The following MICALL1 variants were observed in gnomAD, a reference collection of about 807,000 sequenced individuals.
The protein encoded by MICALL1 is MICAL-like protein 1.
In MICALL1, 61 loss-of-function variants were observed where a neutral mutation model predicts 83.7. The observed-to-expected ratio is 0.73, with a 90% CI of 0.59 to 0.90. The LOEUF (loss-of-function observed/expected upper bound fraction) is 0.90, where lower values mean the gene tolerates loss of function less well. Ranked by LOEUF, MICALL1 falls within the 40% of genes least tolerant of loss-of-function variation. MICALL1 has a pLI of 0.00. For missense variants in MICALL1, 1,066 were observed against 1,152.0 expected (o/e 0.93, Z 1.08); for synonymous variants, 481 against 473.6 (o/e 1.02, Z -0.20).
chr22:37,917,684 A>T (rs1333276239), intron 3 of MICALL1, 23 bp from the exon 4 acceptor site: 1 of 1,611,244 alleles, frequency 6.2e-7, no homozygotes, highest in Admixed American at 1.7e-5. Flanking sequence ...CTGCTTCAGG[A>T]CCCCTTTCTC....
intron 13 of MICALL1, among the ~76,000 whole-genome samples, chr22:37,935,986 C>A (rs182624131): frequency 8.5e-5 from 13 of 152,304 alleles, no homozygotes; most frequent in African/African-American, 3.1e-4. Context: ...GCCTCGGCCT[C>A]CCAAAGTGCT....
intron 5 of MICALL1, among the ~76,000 whole-genome samples, chr22:37,919,690 T>C (rs1362344543): frequency 3.3e-5 from 5 of 150,488 alleles, no homozygotes; most frequent in Admixed American, 2.0e-4. Flanking sequence ...TATTTTAGCT[T>C]AAAAAATTTT....
chr22:37,935,244 G>GTTA (rs1930043432), intron 13 of MICALL1, among the ~76,000 whole-genome samples: 1 of 149,490 alleles, frequency 6.7e-6, no homozygotes, highest in Non-Finnish European at 1.5e-5. Flanking sequence ...GGCCCTATTT[G>GTTA]TTATTATTAT....
rs1431910290 is a variant in MICALL1 at position 37,941,236 on chromosome 22, G to A, written c.*406G>A. 5.7e-6 allele frequency: 1 copy of A among 176,562 alleles called. No homozygotes were observed. The highest frequency in any genetic ancestry group is 1.4e-4 in the East Asian group (1 of 6,934). The allele number at this position is 176,562 out of a possible 1,614,324, so 10.9% of individuals were successfully genotyped here. On this transcript the variant is annotated 3_prime_UTR_variant, in exon 16 of 16. Transcript: ENST00000215957. ...TGCTCTTCCAGGCAGGCCAGCAAGT[G>A]GCGCTGGGCCACACTGGCTTCTTCC...
intron 5 of MICALL1, among the ~76,000 whole-genome samples, chr22:37,919,635 CAA>C (rs34083064): frequency 1.2e-4 from 7 of 59,706 alleles, no homozygotes; most frequent in Admixed American, 2.1e-4. Context: ...GACTCTGTCT[CAA>C]AAAAAAAAAA....
At chr22:37,907,216 A>AGTGGGGCACGCAG (rs1251545209) in intron 1 of MICALL1, 1 of 152,386 alleles carries the variant, frequency 6.6e-6, no homozygotes, top group Non-Finnish European at 1.5e-5. Flanking sequence ...AGCCCTCCTC[A>AGTGGGGCACGCAG]GTGGGGCACG....
At chr22:37,911,917 C>G (rs554925571) in intron 1 of MICALL1, 35 bp from the exon 2 acceptor site, 17 of 1,613,150 alleles carry the variant, frequency 1.1e-5, no homozygotes, top group African/African-American at 4.0e-5. Flanking sequence ...GTCACCTCCC[C>G]TCTTGACCAA....
chr22:37,912,629 A>G (rs988354216), intron 3 of MICALL1, 137 bp downstream of exon 3: 7 of 750,530 alleles, frequency 9.3e-6, no homozygotes, highest in African/African-American at 7.5e-5. Flanking sequence ...TCATTAATTC[A>G]CTCATTGAAA....
intron 13 of MICALL1, among the ~76,000 whole-genome samples, chr22:37,936,878 T>C (rs1453423603): frequency 4.0e-5 from 6 of 148,784 alleles, no homozygotes; most frequent in Admixed American, 3.3e-4. Context: ...GGCGACAGAG[T>C]GAGACTCCGT....
At chr22:37,922,741 C>A (rs1327795865) in intron 6 of MICALL1, among the ~76,000 whole-genome samples, 2 of 139,274 alleles carry the variant, frequency 1.4e-5, no homozygotes, top group Non-Finnish European at 3.1e-5. Context: ...TCCTGAGTAG[C>A]TGGGATTACA....
In MICALL1 at chr22:37,930,126, C is replaced by T. The variant is rs960714712; in HGVS notation, c.1882-1673C>T. Among the ~76,000 whole-genome samples the T allele has an allele frequency of 2.6e-5, 4 of 152,300 alleles. No individual in the cohort carries two copies. Among genetic ancestry groups the T allele is most frequent in the African/African-American group, 7.2e-5 (3 of 41,560 alleles). ...TTCTCGTGTTTCGTGTCCTGGGCTG[C>T]GTGAATATTGGTCTGAAGTTTTGGG... On this transcript the variant is annotated intron_variant, in intron 9 of 15. Transcript: ENST00000215957. This position sits in a 1 kb window ranked among gnomAD's most constrained non-coding sequence, Gnocchi z 4.8.
Position 37,927,392 on chromosome 22 carries a change from C to G in MICALL1, c.1466-19C>G, listed in dbSNP as rs748904500. The G allele has an allele frequency of 6.5e-7, 1 of 1,549,144 alleles. No individual in the cohort carries two copies. Among genetic ancestry groups the G allele is most frequent in the East Asian group, 2.3e-5 (1 of 43,730 alleles). ...TGTGGTGCTCCCCTTGTGAGGTGTC[C>G]TGGTGCTCGTCCGCACAGCTCTCCA... On this transcript the variant is annotated intron_variant, in intron 8 of 15. Coordinates refer to ENST00000215957, the MANE Select transcript of MICALL1 (RefSeq NM_033386.4).
At chr22:37,928,534 C>T (rs1283150084) in intron 9 of MICALL1, among the ~76,000 whole-genome samples, 1 of 152,208 alleles carries the variant, frequency 6.6e-6, no homozygotes, top group East Asian at 1.9e-4. Flanking sequence ...CTTTACTGGC[C>T]TCTGACTTCC....
rs144591232 is a variant in MICALL1 at position 37,918,146 on chromosome 22, G to T, written c.426+351G>T. ...GGAGTTACACACGTAGTAAAGCAAA[G>T]ATTCCCCTTGATTCCTGTGGAGACA... is the stretch of plus-strand genomic sequence containing the variant. On this transcript the variant is annotated intron_variant, in intron 4 of 15. Coordinates refer to ENST00000215957, the MANE Select transcript of MICALL1 (RefSeq NM_033386.4). Among the ~76,000 whole-genome samples the T allele has an allele frequency of 2.2e-4, 34 of 152,338 alleles. No homozygotes were observed. In the East Asian group the frequency reaches 5.6e-3, roughly 25 times the overall value.
intron 1 of MICALL1, 134 bp from the exon 2 acceptor site, chr22:37,911,818 C>T: frequency 1.2e-6 from 1 of 834,756 alleles, no homozygotes; most frequent in South Asian, 1.5e-5. Flanking sequence ...CAGACTCCCC[C>T]CCAGCAACCC....
Position 37,932,866 on chromosome 22 carries a change from C to T in MICALL1, c.2212C>T (p.Arg738Ter), listed in dbSNP as rs910771747. 2 of 1,614,082 alleles carry T rather than the reference C, an allele frequency of 1.2e-6. No individual in the cohort carries two copies. The highest frequency in any genetic ancestry group is 1.7e-6 in the Non-Finnish European group (2 of 1,179,998). ...CCACGAGAAGCACCTACTGGTGCGG[C>T]GAGAGTCCGAGCTCATCTATGTGTG... ...LIHEKHLLVR[R>*]ESELIYVFKQ... The change falls in exon 12 of 16, where the codon CGA becomes TGA. Residue 738 changes from arginine to a stop codon, truncating the protein, a stop_gained. Coordinates refer to ENST00000215957, the MANE Select transcript of MICALL1 (RefSeq NM_033386.4). LOFTEE classifies it high-confidence loss of function. This position sits in a 1 kb window ranked among gnomAD's most constrained non-coding sequence, Gnocchi z 4.4.
intron 2 of MICALL1, among the ~76,000 whole-genome samples, 162 bp from the exon 3 acceptor site, chr22:37,912,189 C>T (rs1928372529): frequency 6.6e-6 from 1 of 152,160 alleles, no homozygotes; most frequent in Non-Finnish European, 1.5e-5. Flanking sequence ...TCCCCTTTCT[C>T]CAGGCCATCC....
rs1389045626 is a variant in MICALL1, at chr22:37,927,670, T to G, written c.1725T>G (p.Pro575=). Residue 575 remains proline, a synonymous_variant, in exon 9 of 16, where the codon CCT becomes CCG. Coordinates refer to ENST00000215957, the MANE Select transcript of MICALL1 (RefSeq NM_033386.4). ...TGGAGCCTAGAGTGGAACAAATGCC[T>G]CAAGCCAGCCCTGGCCTTGCCCCCA... is the stretch of plus-strand genomic sequence containing the variant. ...ELVEPRVEQM[P]QASPGLAPRT... is the part of the protein sequence containing the mutation. 3 of 1,613,980 alleles carry G rather than the reference T, an allele frequency of 1.9e-6. No individual in the cohort carries two copies. The highest frequency in any genetic ancestry group is 1.7e-6 in the Non-Finnish European group (2 of 1,180,022).
chr22:37,940,837 G>A lies in MICALL1; in HGVS notation c.*7G>A, dbSNP rs774906713. On this transcript the variant is annotated 3_prime_UTR_variant, in exon 16 of 16. Transcript: ENST00000215957. ...CCCCAGAGACAAGAGCTAACAGCAC[G>A]AGAAGCCAGTTGGGGACTGCCCCCT... The A allele has an allele frequency of 8.1e-6, 13 of 1,613,452 alleles. No homozygotes were observed. The highest frequency in any genetic ancestry group is 2.2e-5 in the South Asian group (2 of 91,058).
Sources: allele counts gnomAD v4.1 joint callset (sites outside exome capture counted in the v4.1 genomes callset), GRCh38; gene constraint gnomAD v4.1.1; non-coding constraint Gnocchi (gnomAD v3.1); transcripts MANE v1.5; gene names NCBI Gene and HGNC (gene_info 2026-07-23, HGNC 2026-07-21).